AIG1: variants seen among roughly 807,000 people sequenced by gnomAD.
AIG1 encodes androgen-induced gene 1 protein.
A neutral mutation model predicts 31.4 loss-of-function variants in AIG1; 23 were observed. The ratio of observed to expected loss-of-function variants is 0.73; its 90% confidence interval spans 0.53 to 1.04. The LOEUF (loss-of-function observed/expected upper bound fraction) is 1.04. Ranked by LOEUF, AIG1 falls within the 50% of genes least tolerant of loss-of-function variation. AIG1 has a pLI of 0.00. For missense variants in AIG1, 274 were observed against 295.0 expected (o/e 0.93, Z 0.52); for synonymous variants, 100 against 110.5 (o/e 0.90, Z 0.60).
At chr6:143,168,754 G>C (rs1787212397) in intron 3 of AIG1, among the ~76,000 whole-genome samples, 1 of 152,048 alleles carries the variant, frequency 6.6e-6, no homozygotes, top group Non-Finnish European at 1.5e-5. Context: ...AGTGAACCAT[G>C]ATCATGCTAC....
rs1015822543 is a variant in AIG1 at position 143,144,248 on chromosome 6, G to A, written c.297+7258G>A. Among the ~76,000 whole-genome samples the A allele has an allele frequency of 2.0e-5, 3 of 152,258 alleles. 1 individual carries two copies. Among genetic ancestry groups the A allele is most frequent in the Middle Eastern group, 6.8e-3 (2 of 294 alleles). On this transcript the variant is annotated intron_variant, in intron 2 of 5. Coordinates refer to ENST00000357847, the MANE Select transcript of AIG1 (RefSeq NM_016108.4). ...GCATTTATATGTAGACTGTTCAAAG[G>A]ACAGAAGTTCTTGTTAAATCAGTGA...
Position 143,117,008 on chromosome 6 carries a change from C to T in AIG1, c.142-19827C>T, listed in dbSNP as rs376319009. ...ATCTCTGTTTCGCCATTCCCGGATTCCCTAGCTCAGAACACACATTCAGTG... is the reference window on the plus strand; with the variant it reads ...ATCTCTGTTTCGCCATTCCCGGATTTCCTAGCTCAGAACACACATTCAGTG... On this transcript the variant is annotated intron_variant, in intron 1 of 5. Coordinates refer to ENST00000357847, the MANE Select transcript of AIG1 (RefSeq NM_016108.4). Among the ~76,000 whole-genome samples the T allele has an allele frequency of 3.3e-5, 5 of 152,212 alleles. No homozygotes were observed. In the South Asian group the frequency reaches 1.0e-3, roughly 32 times the overall value.
intron 3 of AIG1, among the ~76,000 whole-genome samples, chr6:143,266,791 T>C (rs1211825216): frequency 6.6e-6 from 1 of 151,688 alleles, no homozygotes; most frequent in Non-Finnish European, 1.5e-5. Flanking sequence ...AAAAAATAAA[T>C]TAGCTGGGCA....
intron 2 of AIG1, among the ~76,000 whole-genome samples, chr6:143,140,772 AT>A (rs1334380110): frequency 6.6e-6 from 1 of 152,218 alleles, no homozygotes; most frequent in African/African-American, 2.4e-5. Flanking sequence ...ATGATTAGTG[AT>A]AACATTTAGA....
intron 3 of AIG1, among the ~76,000 whole-genome samples, chr6:143,210,606 T>C (rs1223999973): frequency 6.6e-6 from 1 of 152,188 alleles, no homozygotes; most frequent in Non-Finnish European, 1.5e-5. Context: ...GAAGGTAACA[T>C]TGTAGAAAGG....
In AIG1 at chr6:143,268,309, G is replaced by T. The variant is rs905220309; in HGVS notation, c.400-15801G>T. 6.6e-6 allele frequency among the ~76,000 whole-genome samples: 1 copy of T among 152,050 alleles called. No homozygotes were observed. The highest frequency in any genetic ancestry group is 1.5e-5 in the Non-Finnish European group (1 of 68,024). ...TGCCTCATGAGGGAATTAGCACTTGGTATTGTCTGTACGACTGGCATTGTT... is the reference window on the plus strand; with the variant it reads ...TGCCTCATGAGGGAATTAGCACTTGTTATTGTCTGTACGACTGGCATTGTT... On this transcript the variant is annotated intron_variant, in intron 3 of 5. Transcript: ENST00000357847. This position sits in a 1 kb window ranked among gnomAD's most constrained non-coding sequence, Gnocchi z 5.0.
At chr6:143,319,752 A>G (rs949953968) in intron 4 of AIG1, among the ~76,000 whole-genome samples, 21 of 152,212 alleles carry the variant, frequency 1.4e-4, no homozygotes, top group African/African-American at 3.9e-4. Context: ...TCAAATAAAT[A>G]AAATCAGACA....
chr6:143,061,021 C>A lies in AIG1; in HGVS notation c.96C>A (p.His32Gln). The A allele has an allele frequency of 6.2e-7, 1 of 1,613,658 alleles. No homozygotes were observed. Among genetic ancestry groups the A allele is most frequent in the Non-Finnish European group, 8.5e-7 (1 of 1,179,810 alleles). ...CNYKAIEMPS[H>Q]QTYGGSWKFL... is the part of the protein sequence containing the mutation. ...ACAAGGCCATCGAAATGCCCTCACA[C>A]CAGACCTACGGAGGGAGCTGGAAAT... The change falls in exon 1 of 6, where the codon CAC becomes CAA. Residue 32 changes from histidine to glutamine, a missense_variant. His to Gln is a conservative substitution (Grantham distance 24). Coordinates refer to ENST00000357847, the MANE Select transcript of AIG1 (RefSeq NM_016108.4).
chr6:143,091,697 C>T (rs900975241), intron 1 of AIG1, among the ~76,000 whole-genome samples: 15 of 151,952 alleles, frequency 9.9e-5, no homozygotes, highest in African/African-American at 1.7e-4. Flanking sequence ...AATGGCTCTG[C>T]GAAACTGTAA....
rs996986433 is a variant in AIG1 at position 143,307,345 on chromosome 6, C to A, written c.515+23120C>A. Among the ~76,000 whole-genome samples, 32 of 152,114 alleles carry A rather than the reference C, an allele frequency of 2.1e-4. 1 individual carries two copies. The highest frequency in any genetic ancestry group is 2.9e-5 in the Non-Finnish European group (2 of 68,028). On this transcript the variant is annotated intron_variant, in intron 4 of 5. Transcript: ENST00000357847. ...CTTTGTGGTTTTATCTACTTTTGGT[C>A]TTTGATGATGGTGATGTACAGATGG...
At position 143,192,622 on chromosome 6, in the gene AIG1, AG is replaced by A. The variant is rs1376067440; in HGVS notation, c.399+27440del. Among the ~76,000 whole-genome samples the A allele has an allele frequency of 3.4e-3, 508 of 147,494 alleles. 5 individuals are homozygous for A. Among genetic ancestry groups the A allele is most frequent in the African/African-American group, 0.012 (476 of 40,338 alleles). Reference sequence around the variant, plus strand: ...CTCCATCTCAAGAAAAAAAAAAAAAAGCCTTATTTTTTTCCTGTAACCAGTA... The same window carrying A: ...CTCCATCTCAAGAAAAAAAAAAAAAACCTTATTTTTTTCCTGTAACCAGTA... On this transcript the variant is annotated intron_variant, in intron 3 of 5. Coordinates refer to ENST00000357847, the MANE Select transcript of AIG1 (RefSeq NM_016108.4).
At chr6:143,318,026 T>TG (rs1335775759) in intron 4 of AIG1, among the ~76,000 whole-genome samples, 1 of 152,180 alleles carries the variant, frequency 6.6e-6, no homozygotes, top group Non-Finnish European at 1.5e-5. Flanking sequence ...ACACATCCCA[T>TG]GCTCATGGAT....
chr6:143,168,913 T>A (rs2128569907), intron 3 of AIG1, among the ~76,000 whole-genome samples: 1 of 152,208 alleles, frequency 6.6e-6, no homozygotes, highest in South Asian at 2.1e-4. Context: ...ATTATTACTA[T>A]CAGTAGAGCG....
rs1797259978 is a variant in AIG1, at chr6:143,280,366, A to G, written c.400-3744A>G. ...TACCATTAGACCCAGCAATCCCATC[A>G]CTGGGTACGTGCCCAGAAGAATAGA... On this transcript the variant is annotated intron_variant, in intron 3 of 5. Transcript: ENST00000357847. The surrounding 1 kb of genome is among the most constrained non-coding windows in gnomAD (Gnocchi z 4.1). 6.6e-6 allele frequency among the ~76,000 whole-genome samples: 1 copy of G among 152,230 alleles called. No homozygotes were observed.
chr6:143,298,785 G>A lies in AIG1; in HGVS notation c.515+14560G>A, dbSNP rs1216906040. 3.3e-5 allele frequency: 5 copies of A among 152,558 alleles called. No individual in the cohort carries two copies. The highest frequency in any genetic ancestry group is 2.6e-4 in the Admixed American group (4 of 15,280). The allele number at this position is 152,558 out of a possible 1,614,324, so 9.5% of individuals were successfully genotyped here. A position where few individuals can be genotyped will look rare whatever the true frequency, so the allele number is the denominator to read the frequency against. On this transcript the variant is annotated intron_variant, in intron 4 of 5. Coordinates refer to ENST00000357847, the MANE Select transcript of AIG1 (RefSeq NM_016108.4). The surrounding 1 kb of genome is among the most constrained non-coding windows in gnomAD (Gnocchi z 5.1). ...TAAAATTGCAGTGGGCAATGGGCAG[G>A]TCAAACTCATCAGACTCTTGCTTGC...
At chr6:143,084,454 G>A (rs912494769) in intron 1 of AIG1, among the ~76,000 whole-genome samples, 1 of 152,142 alleles carries the variant, frequency 6.6e-6, no homozygotes, top group Non-Finnish European at 1.5e-5. Context: ...TTGCCTGAGG[G>A]CCATGACTAA....
In AIG1 at chr6:143,249,704, T is replaced by C. The variant is rs150433422; in HGVS notation, c.400-34406T>C. ...AGTTTGCGTTACTCAGAGCCTCTACTGTCTTCTGGCTTCTGCCTACTTCCT... is the reference window on the plus strand; with the variant it reads ...AGTTTGCGTTACTCAGAGCCTCTACCGTCTTCTGGCTTCTGCCTACTTCCT... On this transcript the variant is annotated intron_variant, in intron 3 of 5. Transcript: ENST00000357847. Among the ~76,000 whole-genome samples the C allele has an allele frequency of 1.7e-4, 26 of 152,316 alleles. No homozygotes were observed. In the East Asian group the frequency reaches 4.6e-3, roughly 27 times the overall value.
In AIG1 at chr6:143,334,214, A is replaced by G; in HGVS notation, c.679+769A>G. 1 of 988,624 alleles carries G rather than the reference A, an allele frequency of 1.0e-6. No individual in the cohort carries two copies. Among genetic ancestry groups the G allele is most frequent in the Non-Finnish European group, 1.4e-6 (1 of 692,474 alleles). 61.2% of individuals were successfully genotyped at this position (988,624 alleles called of 1,614,324 possible). The stretch of plus-strand genomic sequence containing the variant: ...TGTAGTGATTGAGTCCTGCATGAAA[A>G]TACATCCAAAGGCAAGATGGTTTGG... On this transcript the variant is annotated intron_variant, in intron 5 of 5. Coordinates refer to ENST00000357847, the MANE Select transcript of AIG1 (RefSeq NM_016108.4). The surrounding 1 kb of genome is among the most constrained non-coding windows in gnomAD (Gnocchi z 5.1).
At chr6:143,307,304 G>T (rs1799390691) in intron 4 of AIG1, among the ~76,000 whole-genome samples, 1 of 152,094 alleles carries the variant, frequency 6.6e-6, no homozygotes, top group Non-Finnish European at 1.5e-5. Flanking sequence ...CAGTTTTTCT[G>T]CTGTTTTTTC....
Sources: allele counts gnomAD v4.1 joint callset (sites outside exome capture counted in the v4.1 genomes callset), GRCh38; gene constraint gnomAD v4.1.1; non-coding constraint Gnocchi (gnomAD v3.1); transcripts MANE v1.5; gene names NCBI Gene and HGNC (gene_info 2026-07-23, HGNC 2026-07-21).